Variants in LMBR1 observed in about 807,000 individuals in gnomAD.
The protein encoded by LMBR1 is limb region 1 protein homolog.
In LMBR1, 52 loss-of-function variants were observed where a neutral mutation model predicts 73.9. The ratio of observed to expected loss-of-function variants is 0.70; its 90% CI spans 0.56 to 0.89. LMBR1 has a LOEUF of 0.89. LMBR1 is among the 40% of genes least tolerant of loss of function. The pLI, the probability that LMBR1 is intolerant of heterozygous loss-of-function variation, is 0.00. For missense variants in LMBR1, 539 were observed against 579.8 expected (o/e 0.93, Z 0.72); for synonymous variants, 215 against 209.4 (o/e 1.03, Z -0.23).
At chr7:156,764,490 GA>G (rs1823724925) in intron 5 of LMBR1, among the ~76,000 whole-genome samples, 1 of 151,874 alleles carries the variant, frequency 6.6e-6, no homozygotes, top group Non-Finnish European at 1.5e-5. Flanking sequence ...AAAACTGCAG[GA>G]TAAGACAAAA....
intron 9 of LMBR1, among the ~76,000 whole-genome samples, chr7:156,751,625 G>A (rs1156673135): frequency 6.6e-6 from 1 of 152,170 alleles, no homozygotes; most frequent in Non-Finnish European, 1.5e-5. Flanking sequence ...CTCTCCAAGG[G>A]GTGGTGGTAG....
intron 1 of LMBR1, among the ~76,000 whole-genome samples, chr7:156,843,212 C>T (rs895828897): frequency 6.6e-6 from 1 of 152,140 alleles, no homozygotes; most frequent in Admixed American, 6.5e-5. Flanking sequence ...TATTCTTACT[C>T]CACAAGCTCT....
chr7:156,875,746 T>C (rs960027232), intron 1 of LMBR1, among the ~76,000 whole-genome samples: 1 of 152,180 alleles, frequency 6.6e-6, no homozygotes, highest in Non-Finnish European at 1.5e-5. Context: ...GATACAGTCT[T>C]TTTCAGACAA....
At position 156,803,707 on chromosome 7, in the gene LMBR1, G is replaced by A. The variant is rs1375315661; in HGVS notation, c.320-7215C>T. Among the ~76,000 whole-genome samples the A allele has an allele frequency of 7.2e-5, 11 of 151,788 alleles. No individual in the cohort carries two copies. The East Asian group carries it at 7.7e-4, about 11-fold the overall frequency. On this transcript the variant is annotated intron_variant, in intron 4 of 16. Coordinates refer to ENST00000353442, the MANE Select transcript of LMBR1 (RefSeq NM_022458.4). ...ACACATGCACACGTATGTTTATTGT[G>A]GCACTATTCACAATAGAAAAGACTT...
intron 15 of LMBR1, among the ~76,000 whole-genome samples, chr7:156,705,517 C>T (rs1473105344): frequency 2.0e-5 from 3 of 152,150 alleles, no homozygotes. Context: ...TGTGATCATG[C>T]CACTGCACTC....
rs1343950098 is a variant in LMBR1, at chr7:156,680,403, A to AGAGAGAGTGTGT, written c.*3674_*3675insACACACTCTCTC. ...GAGAGAGAGAGAGAGAGAGAGAGAG[A>AGAGAGAGTGTGT]GTGTGTGTGTGTGTGTGTGTGTAAT... On this transcript the variant is annotated 3_prime_UTR_variant, in exon 17 of 17. Transcript: ENST00000353442. The AGAGAGAGTGTGT allele has an allele frequency of 3.2e-5, 4 of 125,068 alleles. No individual in the cohort carries two copies. The highest frequency in any genetic ancestry group is 6.9e-5 in the Non-Finnish European group (4 of 58,240). 7.7% of individuals were successfully genotyped at this position (125,068 alleles called of 1,614,324 possible). A position where few individuals can be genotyped will look rare whatever the true frequency, so the allele number is the denominator to read the frequency against.
chr7:156,805,214 A>AC, intron 4 of LMBR1, among the ~76,000 whole-genome samples: 1 of 112,950 alleles, frequency 8.9e-6, no homozygotes, highest in South Asian at 2.9e-4. Flanking sequence ...AACATCATGC[A>AC]CTTTTTTTTT....
chr7:156,728,081 A>C, intron 11 of LMBR1, 74 bp from the exon 12 acceptor site: 1 of 1,164,484 alleles, frequency 8.6e-7, no homozygotes, highest in Non-Finnish European at 1.3e-6. Flanking sequence ...TAGGTAACCA[A>C]ATACACGTTT....
rs573804759 is a variant in LMBR1, at chr7:156,802,845, C to T, written c.320-6353G>A. On this transcript the variant is annotated intron_variant, in intron 4 of 16. Transcript: ENST00000353442. Reference sequence around the variant, plus strand: ...TTAGAAAAGAACTCAGAAATAATGCCGCATGTCTACAACTATCTGATCTTT... The same window carrying T: ...TTAGAAAAGAACTCAGAAATAATGCTGCATGTCTACAACTATCTGATCTTT... 1.2e-4 allele frequency among the ~76,000 whole-genome samples: 18 copies of T among 152,180 alleles called. No individual in the cohort carries two copies. In the East Asian group the frequency reaches 1.4e-3, roughly 11 times the overall value.
chr7:156,848,314 T>C (rs1795784977), intron 1 of LMBR1, among the ~76,000 whole-genome samples: 1 of 152,070 alleles, frequency 6.6e-6, no homozygotes, highest in African/African-American at 2.4e-5. Flanking sequence ...GAGAAAACAT[T>C]TGCAAACTAT....
In LMBR1 at chr7:156,688,033, G is replaced by A. The variant is rs768999478; in HGVS notation, c.1384C>T (p.Leu462=). 1.9e-6 allele frequency: 3 copies of A among 1,598,306 alleles called. No homozygotes were observed. Among genetic ancestry groups the A allele is most frequent in the Admixed American group, 1.8e-5 (1 of 56,200 alleles). Residue 462 remains leucine (L), a synonymous_variant, in exon 16 of 17, where the codon CTA becomes TTA. Coordinates refer to ENST00000353442, the MANE Select transcript of LMBR1 (RefSeq NM_022458.4). Reference sequence around the variant, plus strand: ...TACCCATAAACCTCAGGATTACCTAGGGCCTTGAAAAGTTCTTCTCGAACT... The same window carrying A: ...TACCCATAAACCTCAGGATTACCTAAGGCCTTGAAAAGTTCTTCTCGAACT... ...SAVREELFKA[L]GLHKLHLPNT...
At chr7:156,717,382 TTC>T (rs1328980123) in intron 15 of LMBR1, among the ~76,000 whole-genome samples, 1 of 152,118 alleles carries the variant, frequency 6.6e-6, no homozygotes, top group Non-Finnish European at 1.5e-5. Flanking sequence ...AGAGCTAGAT[TTC>T]TCTGTTTTAG....
In LMBR1 at chr7:156,873,908, A is replaced by C. The variant is rs537272930; in HGVS notation, c.66+19020T>G. ...TGAGCTAGACATAAAGACTCTCCAC[A>C]TCCCCACCAGACTCAGGAGCCCAGC... On this transcript the variant is annotated intron_variant, in intron 1 of 16. Transcript: ENST00000353442. Among the ~76,000 whole-genome samples, 209 of 152,232 alleles carry C rather than the reference A, an allele frequency of 1.4e-3. 1 individual carries two copies. Among genetic ancestry groups the C allele is most frequent in the African/African-American group, 4.2e-3 (174 of 41,528 alleles).
intron 1 of LMBR1, among the ~76,000 whole-genome samples, chr7:156,889,253 A>G (rs981696679): frequency 6.6e-6 from 1 of 152,160 alleles, no homozygotes; most frequent in Non-Finnish European, 1.5e-5. Flanking sequence ...ATGGGTATCA[A>G]GTTTCAGTTG....
At chr7:156,888,396 C>A (rs13229688) in intron 1 of LMBR1, among the ~76,000 whole-genome samples, 40 of 135,562 alleles carry the variant, frequency 3.0e-4, no homozygotes, top group African/African-American at 1.1e-3. Flanking sequence ...GGAAACACAG[C>A]GAGACTCTGT....
At chr7:156,769,235 A>G (rs1563318032) in intron 5 of LMBR1, among the ~76,000 whole-genome samples, 1 of 152,170 alleles carries the variant, frequency 6.6e-6, no homozygotes, top group Admixed American at 6.5e-5. Context: ...AAGCTGAGGC[A>G]CCACTCATTT....
intron 4 of LMBR1, among the ~76,000 whole-genome samples, chr7:156,802,704 G>A (rs1211004838): frequency 6.6e-6 from 1 of 152,074 alleles, no homozygotes; most frequent in Admixed American, 6.6e-5. Context: ...CCACAATTAA[G>A]CTAATGAACA....
At chr7:156,755,538 T>C (rs1032289182) in intron 9 of LMBR1, among the ~76,000 whole-genome samples, 1 of 152,224 alleles carries the variant, frequency 6.6e-6, no homozygotes. Context: ...TATTGCACAG[T>C]AGCATGATTA....
intron 16 of LMBR1, among the ~76,000 whole-genome samples, chr7:156,687,082 C>T (rs983094698): frequency 6.6e-6 from 1 of 152,164 alleles, no homozygotes; most frequent in African/African-American, 2.4e-5. Context: ...GTCACCCTCT[C>T]AAACATCAAG....
Sources: gnomAD v4.1 joint callset for allele counts (sites outside exome capture counted in the v4.1 genomes callset) on GRCh38, gnomAD v4.1.1 for gene constraint, MANE v1.5 for transcripts, NCBI Gene and HGNC (gene_info 2026-07-23, HGNC 2026-07-21) for gene names.